Variants in ARID5B observed in about 807,000 individuals in gnomAD.
ARID5B encodes AT-rich interaction domain 5B.
Under a neutral mutation model 97.2 loss-of-function variants are expected in ARID5B, and 13 were observed. That is an observed-to-expected ratio of 0.13 (90% CI 0.09 to 0.21). ARID5B has a LOEUF of 0.21. Ranked by LOEUF, ARID5B falls within the 10% of genes least tolerant of loss-of-function variation. The pLI is 1.00. For synonymous variants in ARID5B, 556 were observed against 570.3 expected (o/e 0.97, Z 0.36); for missense variants, 1,210 against 1,465.3 (o/e 0.83, Z 2.84).
At chr10:62,002,243 A>T (rs1344205259) in intron 4 of ARID5B, among the ~76,000 whole-genome samples, 1 of 152,262 alleles carries the variant, frequency 6.6e-6, no homozygotes, top group Non-Finnish European at 1.5e-5. Flanking sequence ...AACAGCGATC[A>T]CAATGGTTGT....
chr10:62,046,645 C>T (rs1839711790), intron 4 of ARID5B: 1 of 152,102 alleles, frequency 6.6e-6, no homozygotes, highest in African/African-American at 2.4e-5. Flanking sequence ...AATTTCTTGG[C>T]ACTGAGTAAG....
chr10:61,932,909 A>G (rs941041815), intron 2 of ARID5B, among the ~76,000 whole-genome samples: 1 of 152,144 alleles, frequency 6.6e-6, no homozygotes, highest in African/African-American at 2.4e-5. Flanking sequence ...CAACCTAAGC[A>G]ACACAGTGAA....
chr10:61,999,556 G>T (rs964570984), intron 3 of ARID5B, among the ~76,000 whole-genome samples: 1 of 152,142 alleles, frequency 6.6e-6, no homozygotes, highest in South Asian at 2.1e-4. Flanking sequence ...ACAGGAGAGT[G>T]TCCTACTGCA....
At chr10:61,990,418 G>C (rs1286797935) in intron 3 of ARID5B, among the ~76,000 whole-genome samples, 1 of 152,160 alleles carries the variant, frequency 6.6e-6, no homozygotes, top group African/African-American at 2.4e-5. Context: ...AGTCATGTTG[G>C]GCAGATAACC....
chr10:61,994,274 T>C (rs1225299405), intron 3 of ARID5B, among the ~76,000 whole-genome samples: 1 of 152,132 alleles, frequency 6.6e-6, no homozygotes, highest in Non-Finnish European at 1.5e-5. Flanking sequence ...TTAAAAAACT[T>C]ACTGATGTTA....
At chr10:61,991,071 C>CACACACACACAT (rs1276711188) in intron 3 of ARID5B, among the ~76,000 whole-genome samples, 1 of 151,728 alleles carries the variant, frequency 6.6e-6, no homozygotes, top group Non-Finnish European at 1.5e-5. Flanking sequence ...CACACACACA[C>CACACACACACAT]ACCAAATTTT....
At chr10:61,948,779 A>G (rs1370545541) in intron 3 of ARID5B, among the ~76,000 whole-genome samples, 2 of 152,204 alleles carry the variant, frequency 1.3e-5, no homozygotes, top group African/African-American at 4.8e-5. Flanking sequence ...GTGATCCATT[A>G]CGCATGGCCA....
chr10:61,987,626 T>TA lies in ARID5B; in HGVS notation c.503-12463dup, dbSNP rs529437913. On this transcript the variant is annotated intron_variant, in intron 3 of 9. Coordinates refer to ENST00000279873, the MANE Select transcript of ARID5B (RefSeq NM_032199.3). ...TCTCTGAGGCAAATGCACCACTCTA[T>TA]AATCACACAACTGTGCCGTCGTAGT... Among the ~76,000 whole-genome samples the TA allele has an allele frequency of 1.8e-3, 268 of 152,346 alleles. 1 individual carries two copies. Among genetic ancestry groups the TA allele is most frequent in the Non-Finnish European group, 2.0e-3 (138 of 68,032 alleles).
At chr10:62,058,275 G>A (rs1179970421) in intron 6 of ARID5B, among the ~76,000 whole-genome samples, 2 of 152,152 alleles carry the variant, frequency 1.3e-5, no homozygotes, top group Non-Finnish European at 2.9e-5. Context: ...TTATGCATTG[G>A]TTCAGATTAA....
chr10:62,033,586 C>T (rs1438500862), intron 4 of ARID5B, among the ~76,000 whole-genome samples: 1 of 152,190 alleles, frequency 6.6e-6, no homozygotes, highest in Non-Finnish European at 1.5e-5. Flanking sequence ...GTGCTAAGGG[C>T]CCAGGTGTTT....
At chr10:61,910,635 G>C (rs1046264594) in intron 2 of ARID5B, among the ~76,000 whole-genome samples, 1 of 152,134 alleles carries the variant, frequency 6.6e-6, no homozygotes, top group Admixed American at 6.5e-5. Context: ...TCATGCCCTG[G>C]ACTATGAGCA....
At chr10:61,925,651 C>T (rs1844091192) in intron 2 of ARID5B, among the ~76,000 whole-genome samples, 1 of 152,134 alleles carries the variant, frequency 6.6e-6, no homozygotes, top group Non-Finnish European at 1.5e-5. Context: ...GAAAAAGGTA[C>T]ATGCATGGTA....
At chr10:61,926,188 T>G (rs1844102970) in intron 2 of ARID5B, among the ~76,000 whole-genome samples, 1 of 152,190 alleles carries the variant, frequency 6.6e-6, no homozygotes, top group Non-Finnish European at 1.5e-5. Context: ...TTCTGCCGTC[T>G]TTCTTTGGGA....
chr10:61,973,811 G>A (rs1174311009), intron 3 of ARID5B, among the ~76,000 whole-genome samples: 2 of 152,202 alleles, frequency 1.3e-5, no homozygotes, highest in Admixed American at 6.5e-5. Context: ...CATCAAGACA[G>A]TATTTCAAAT....
intron 2 of ARID5B, among the ~76,000 whole-genome samples, chr10:61,939,274 C>G (rs906546930): frequency 2.0e-5 from 3 of 151,954 alleles, no homozygotes; most frequent in Admixed American, 6.6e-5. Flanking sequence ...AACTTAAAAC[C>G]CAGTGAGATG....
chr10:62,093,159 A>G lies in ARID5B; in HGVS notation c.*129A>G. On this transcript the variant is annotated 3_prime_UTR_variant, in exon 10 of 10. Transcript: ENST00000279873. ...TGAGGCTATGATCAGTCCCAGCTGT[A>G]GGGGCCCAGAGGGGAGGTGAACATG... 1 of 1,344,756 alleles carries G rather than the reference A, an allele frequency of 7.4e-7. No individual in the cohort carries two copies. The highest frequency in any genetic ancestry group is 2.4e-5 in the East Asian group (1 of 42,126). The allele number at this position is 1,344,756 out of a possible 1,614,324, so 83.3% of individuals were successfully genotyped here. A position where few individuals can be genotyped will look rare whatever the true frequency, so the allele number is the denominator to read the frequency against.
chr10:61,907,534 A>G (rs1285129345), intron 2 of ARID5B, among the ~76,000 whole-genome samples: 3 of 152,276 alleles, frequency 2.0e-5, no homozygotes, highest in Non-Finnish European at 4.4e-5. Flanking sequence ...CTAGCATAGT[A>G]TAGTACCTAC....
chr10:61,952,438 C>G (rs1278611306), intron 3 of ARID5B, among the ~76,000 whole-genome samples: 1 of 152,198 alleles, frequency 6.6e-6, no homozygotes, highest in Admixed American at 6.5e-5. Flanking sequence ...AATGCAGTAT[C>G]TTTTTTCATG....
At chr10:62,060,701 A>T (rs182571767) in intron 7 of ARID5B, among the ~76,000 whole-genome samples, 126 of 152,316 alleles carry the variant, frequency 8.3e-4, no homozygotes, top group African/African-American at 3.0e-3. Context: ...AAGTCAACCC[A>T]ATAGGCTAGA....
Sources: gnomAD v4.1 joint callset for allele counts (sites outside exome capture counted in the v4.1 genomes callset) on GRCh38, gnomAD v4.1.1 for gene constraint, MANE v1.5 for transcripts, NCBI Gene and HGNC (gene_info 2026-07-23, HGNC 2026-07-21) for gene names.